Variants in ASIC2 observed in about 807,000 individuals in gnomAD.
The protein encoded by ASIC2 is acid sensing ion channel subunit 2.
A neutral mutation model predicts 57.3 loss-of-function variants in ASIC2; 25 were observed. The observed-to-expected ratio is 0.44, with a 90% confidence interval of 0.32 to 0.61. The LOEUF (loss-of-function observed/expected upper bound fraction) is 0.61. Among genes scored for constraint, ASIC2 ranks in the 20% least tolerant of loss-of-function variants. The probability of loss-of-function intolerance (pLI) is 0.06; values close to 1 mark genes in which losing one functional copy is unlikely to be tolerated. For missense variants in ASIC2, 641 were observed against 738.1 expected (o/e 0.87, Z 1.52); for synonymous variants, 319 against 307.5 (o/e 1.04, Z -0.39).
chr17:34,039,926 G>A lies in ASIC2; in HGVS notation c.555+116052C>T, dbSNP rs3785908. ...CCACGCTCCTCCCTGGAGGGACCCC[G>A]ACCCGACCCGGCTGCGGACCGCTCC... On this transcript the variant is annotated intron_variant, in intron 1 of 9. Coordinates refer to the ASIC2 transcript ENST00000359872. 5.1e-3 allele frequency: 7,528 copies of A among 1,472,042 alleles called. 151 individuals are homozygous for A. In the East Asian group the frequency reaches 0.056, roughly 11 times the overall value. The allele number at this position is 1,472,042 out of a possible 1,614,324, so 91.2% of individuals were successfully genotyped here.
At chr17:33,373,467 C>T (rs1909161490) in intron 1 of ASIC2, among the ~76,000 whole-genome samples, 1 of 152,284 alleles carries the variant, frequency 6.6e-6, no homozygotes, top group East Asian at 1.9e-4. Flanking sequence ...ACAGTATTCC[C>T]CTCCCTGTTT....
intron 1 of ASIC2, among the ~76,000 whole-genome samples, chr17:33,413,462 A>T (rs1329931514): frequency 2.0e-5 from 3 of 152,030 alleles, no homozygotes; most frequent in African/African-American, 4.8e-5. Flanking sequence ...CAAGCTGCCC[A>T]CTTCTCTCCC....
At chr17:33,160,214 A>AAAAG (rs1555575611) in intron 1 of ASIC2, among the ~76,000 whole-genome samples, 16 of 93,514 alleles carry the variant, frequency 1.7e-4, no homozygotes, top group African/African-American at 6.2e-4. Flanking sequence ...GTTAAAAAAA[A>AAAAG]AAAAGAAAAG....
At chr17:33,734,764 A>C (rs114035637) in intron 1 of ASIC2, among the ~76,000 whole-genome samples, 2,567 of 152,258 alleles carry the variant, frequency 0.017, 67 homozygotes, top group African/African-American at 0.055. Flanking sequence ...AGACCATTTG[A>C]GGGCACAGTG....
chr17:33,209,841 T>C (rs1355634377), intron 1 of ASIC2, among the ~76,000 whole-genome samples: 1 of 152,204 alleles, frequency 6.6e-6, no homozygotes, highest in Non-Finnish European at 1.5e-5. Flanking sequence ...GCTCACTTCC[T>C]CTGTTTTCCA....
chr17:34,032,401 C>A (rs2142038193), intron 1 of ASIC2, among the ~76,000 whole-genome samples: 1 of 152,324 alleles, frequency 6.6e-6, no homozygotes, highest in South Asian at 2.1e-4. Context: ...CCAGCTGCTG[C>A]AAAAACATGC....
chr17:33,235,401 T>G (rs1393059247), intron 1 of ASIC2, among the ~76,000 whole-genome samples: 1 of 152,190 alleles, frequency 6.6e-6, no homozygotes, highest in African/African-American at 2.4e-5. Context: ...TGAGCCAGGA[T>G]GAGTCATGCA....
chr17:33,576,420 A>G (rs1916624209), intron 1 of ASIC2, among the ~76,000 whole-genome samples: 1 of 152,220 alleles, frequency 6.6e-6, no homozygotes, highest in Admixed American at 6.5e-5. Context: ...CCTAGCACAT[A>G]GCAGGCACCC....
intron 1 of ASIC2, among the ~76,000 whole-genome samples, chr17:33,942,885 C>G (rs1404323659): frequency 6.6e-6 from 1 of 152,198 alleles, no homozygotes; most frequent in Admixed American, 6.5e-5. Context: ...TTAGGGCTTT[C>G]AGACCTATGC....
intron 1 of ASIC2, among the ~76,000 whole-genome samples, chr17:33,664,446 T>C (rs769887774): frequency 2.6e-5 from 4 of 152,230 alleles, no homozygotes; most frequent in Admixed American, 6.5e-5. Context: ...TGCAGTTTGG[T>C]AGTTTCCAAA....
chr17:34,073,828 C>T (rs977053850), intron 1 of ASIC2, among the ~76,000 whole-genome samples: 1 of 152,188 alleles, frequency 6.6e-6, no homozygotes, highest in African/African-American at 2.4e-5. Context: ...TGCCTCTCAT[C>T]GGACTGTGAA....
intron 1 of ASIC2, among the ~76,000 whole-genome samples, chr17:33,433,703 C>T (rs968361011): frequency 3.3e-5 from 5 of 152,086 alleles, no homozygotes; most frequent in Admixed American, 3.3e-4. Flanking sequence ...GAGCGTAGAT[C>T]GTGCCAGTGC....
chr17:33,115,248 T>A (rs968075436), intron 1 of ASIC2, among the ~76,000 whole-genome samples: 1 of 152,120 alleles, frequency 6.6e-6, no homozygotes, highest in Admixed American at 6.5e-5. Context: ...TGGTCAAGGG[T>A]GGCGGTCACC....
At chr17:33,842,326 C>A (rs317386) in intron 1 of ASIC2, among the ~76,000 whole-genome samples, 83,631 of 151,910 alleles carry the variant, frequency 0.55, 23,728 homozygotes, top group East Asian at 0.9. Flanking sequence ...ATAGACAAGA[C>A]ATGGGTCTCC....
chr17:33,535,118 C>T (rs139918158), intron 1 of ASIC2, among the ~76,000 whole-genome samples: 1 of 152,286 alleles, frequency 6.6e-6, no homozygotes, highest in East Asian at 1.9e-4. Flanking sequence ...AGATGAATGG[C>T]CATCCATCAA....
chr17:33,984,680 C>T (rs115932194), intron 1 of ASIC2, among the ~76,000 whole-genome samples: 27 of 152,304 alleles, frequency 1.8e-4, no homozygotes, highest in Admixed American at 1.5e-3. Flanking sequence ...GATCTTGTCA[C>T]TTGTCTGTCT....
chr17:33,924,197 C>A (rs1022664714), intron 1 of ASIC2, among the ~76,000 whole-genome samples: 10 of 152,240 alleles, frequency 6.6e-5, no homozygotes, highest in African/African-American at 2.4e-4. Flanking sequence ...TTGGTGGGAA[C>A]CTCACAATAC....
intron 1 of ASIC2, among the ~76,000 whole-genome samples, chr17:33,779,524 T>G (rs1911384669): frequency 6.6e-6 from 1 of 152,208 alleles, no homozygotes; most frequent in African/African-American, 2.4e-5. Flanking sequence ...GTGTTCAGAA[T>G]GAATAACCTA....
At chr17:33,589,820 G>T (rs1434751794) in intron 1 of ASIC2, among the ~76,000 whole-genome samples, 1 of 152,172 alleles carries the variant, frequency 6.6e-6, no homozygotes, top group African/African-American at 2.4e-5. Context: ...TATGAACACA[G>T]CTGTACAACT....
Sources: gnomAD v4.1 joint callset for allele counts (sites outside exome capture counted in the v4.1 genomes callset) on GRCh38, gnomAD v4.1.1 for gene constraint, MANE v1.5 for transcripts, NCBI Gene and HGNC (gene_info 2026-07-23, HGNC 2026-07-21) for gene names.